PLXNA4: variants seen among roughly 807,000 people sequenced by gnomAD.
The protein encoded by PLXNA4 is plexin A4.
A neutral mutation model predicts 191.8 loss-of-function variants in PLXNA4; 44 were observed. That is an observed-to-expected ratio of 0.23 (90% CI 0.18 to 0.29). The LOEUF (loss-of-function observed/expected upper bound fraction) is 0.29, where lower values mean the gene tolerates loss of function less well. Ranked by LOEUF, PLXNA4 falls within the 10% of genes least tolerant of loss-of-function variation. PLXNA4 has a pLI of 1.00. For missense variants in PLXNA4, 1,800 were observed against 2,488.8 expected (o/e 0.72, Z 5.89); for synonymous variants, 1,082 against 1,009.5 (o/e 1.07, Z -1.36).
chr7:132,278,228 C>A (rs907899585), intron 4 of PLXNA4, among the ~76,000 whole-genome samples: 18 of 152,126 alleles, frequency 1.2e-4, no homozygotes, highest in Non-Finnish European at 4.4e-5. Context: ...CTCCAGTGTG[C>A]AAGATATGGC....
rs201729335 is a variant in PLXNA4 at position 132,198,529 on chromosome 7, G to A, written c.2694C>T (p.Gly898=). ...CATCCACTAAAGGGCTGCACTCCAC[G>A]CCAGCAACCTTGACATGGGAGGCGA... ...RDIASHVKVA[G]VECSPLVDGY... is the part of the protein sequence containing the mutation. Residue 898 remains glycine (G), a synonymous_variant, in exon 13 of 32, where the codon GGC becomes GGT. Transcript: ENST00000321063. The A allele has an allele frequency of 8.5e-5, 138 of 1,614,212 alleles. No homozygotes were observed. The highest frequency in any genetic ancestry group is 1.0e-4 in the Non-Finnish European group (121 of 1,180,036).
chr7:132,482,944 G>T (rs1280027103), intron 3 of PLXNA4, among the ~76,000 whole-genome samples: 1 of 152,064 alleles, frequency 6.6e-6, no homozygotes, highest in East Asian at 1.9e-4. Context: ...GTGTGCCTCA[G>T]CCTCCCAAAG....
At chr7:132,439,688 A>G (rs1276370006) in intron 3 of PLXNA4, among the ~76,000 whole-genome samples, 2 of 152,172 alleles carry the variant, frequency 1.3e-5, no homozygotes, top group Non-Finnish European at 2.9e-5. Flanking sequence ...GAACTCAAGG[A>G]GCAAGACCTG....
intron 1 of PLXNA4, among the ~76,000 whole-genome samples, chr7:132,562,834 C>T (rs1183454934): frequency 4.6e-5 from 5 of 108,918 alleles, no homozygotes; most frequent in Admixed American, 8.7e-5. Flanking sequence ...TCCTTCTCCT[C>T]CTCCTTCTCT....
chr7:132,454,021 C>G (rs1018975845), intron 3 of PLXNA4, among the ~76,000 whole-genome samples: 1 of 152,224 alleles, frequency 6.6e-6, no homozygotes, highest in African/African-American at 2.4e-5. Flanking sequence ...ACACCCTTGT[C>G]CCTGCTCTCT....
At chr7:132,566,307 C>A (rs562725248) in intron 1 of PLXNA4, among the ~76,000 whole-genome samples, 65 of 152,072 alleles carry the variant, frequency 4.3e-4, no homozygotes, top group African/African-American at 1.4e-3. Context: ...CTCTCTCTCA[C>A]ACACACACAC....
rs186378769 is a variant in PLXNA4, at chr7:132,223,628, C to A, written c.1996G>T (p.Val666Leu). Residue 666 changes from valine to leucine, a missense_variant, in exon 9 of 32, where the codon GTG (valine) becomes TTG (leucine). This residue lies in a region of PLXNA4 where 1,397 missense variants were observed against 1,880.4 expected (regional missense o/e 0.74). Coordinates refer to ENST00000321063, the MANE Select transcript of PLXNA4 (RefSeq NM_020911.2). ...CSVHNSCLSC[V>L]ESPYRCHWCK... ...CAGTGGCAGCGGTATGGACTCTCCA[C>A]GCAGGACAGGCACCTGGGCACAGGG... 6.2e-7 allele frequency: 1 copy of A among 1,613,118 alleles called. No individual in the cohort carries two copies. The highest frequency in any genetic ancestry group is 2.2e-5 in the East Asian group (1 of 44,856).
At chr7:132,564,358 T>TCTC (rs1305470605) in intron 1 of PLXNA4, among the ~76,000 whole-genome samples, 1 of 78,752 alleles carries the variant, frequency 1.3e-5, no homozygotes, top group African/African-American at 5.0e-5. Context: ...TTCTCCTCTT[T>TCTC]CTCCTCCTCC....
intron 26 of PLXNA4, 141 bp downstream of exon 26, chr7:132,148,402 C>A (rs1469374631): frequency 7.9e-7 from 1 of 1,259,306 alleles, no homozygotes; most frequent in Non-Finnish European, 1.1e-6. Flanking sequence ...GGCTGGGAGA[C>A]ACCAATTTCC....
At chr7:132,281,994 G>A (rs1800495574) in intron 4 of PLXNA4, among the ~76,000 whole-genome samples, 1 of 152,146 alleles carries the variant, frequency 6.6e-6, no homozygotes, top group African/African-American at 2.4e-5. Context: ...CTCAGCCAGT[G>A]AGGATGCCAG....
At chr7:132,329,300 G>A (rs1415734479) in intron 3 of PLXNA4, among the ~76,000 whole-genome samples, 3 of 152,126 alleles carry the variant, frequency 2.0e-5, no homozygotes, top group Non-Finnish European at 4.4e-5. Context: ...GCTGTTCTGG[G>A]GTCTCCCCAT....
intron 3 of PLXNA4, among the ~76,000 whole-genome samples, chr7:132,337,337 T>C (rs1003165938): frequency 4.6e-5 from 7 of 152,226 alleles, no homozygotes; most frequent in Non-Finnish European, 8.8e-5. Context: ...TGTCCACACA[T>C]GTCCCCTGGC....
At chr7:132,311,131 C>G (rs538892869) in intron 3 of PLXNA4, among the ~76,000 whole-genome samples, 2 of 150,204 alleles carry the variant, frequency 1.3e-5, no homozygotes, top group South Asian at 2.1e-4. Context: ...CAAAGTAGCC[C>G]CAGTTCCTGG....
intron 19 of PLXNA4, 85 bp from the exon 20 acceptor site, chr7:132,180,006 C>T (rs553275198): frequency 6.7e-7 from 1 of 1,488,172 alleles, no homozygotes; most frequent in Non-Finnish European, 9.0e-7. Flanking sequence ...GAACTAGTGA[C>T]CAGGGCAGGA....
intron 4 of PLXNA4, among the ~76,000 whole-genome samples, chr7:132,256,323 C>A (rs11972157): frequency 0.012 from 1,848 of 152,308 alleles, 37 homozygotes; most frequent in African/African-American, 0.042. Context: ...GCATGCCATA[C>A]GTGGAATTCA....
chr7:132,392,273 T>G (rs1288233951), intron 3 of PLXNA4, among the ~76,000 whole-genome samples: 1 of 152,196 alleles, frequency 6.6e-6, no homozygotes, highest in African/African-American at 2.4e-5. Context: ...CGATAAATAT[T>G]TATTACATTA....
intron 4 of PLXNA4, among the ~76,000 whole-genome samples, chr7:132,277,221 G>A (rs1800314667): frequency 1.3e-5 from 2 of 152,128 alleles, no homozygotes; most frequent in Admixed American, 6.5e-5. Context: ...GCTTAAGTGG[G>A]GGAAGCTGGA....
In PLXNA4 at chr7:132,126,597, G is replaced by C. The variant is rs1212891706; in HGVS notation, c.*3882C>G. ...CTGGTGGGCGCAGGTAGCTGGGCCT[G>C]AGGGGACCAGGTCAGAGACTTTTCC... is the stretch of plus-strand genomic sequence containing the variant. On this transcript the variant is annotated 3_prime_UTR_variant, in exon 32 of 32. Coordinates refer to ENST00000321063, the MANE Select transcript of PLXNA4 (RefSeq NM_020911.2). 1 of 152,392 alleles carries C rather than the reference G, an allele frequency of 6.6e-6. No individual in the cohort carries two copies. Among genetic ancestry groups the C allele is most frequent in the African/African-American group, 2.4e-5 (1 of 41,444 alleles). The allele number at this position is 152,392 out of a possible 1,614,324, so 9.4% of individuals were successfully genotyped here. A position where few individuals can be genotyped will look rare whatever the true frequency, so the allele number is the denominator to read the frequency against.
intron 22 of PLXNA4, among the ~76,000 whole-genome samples, chr7:132,166,785 G>A (rs955617711): frequency 1.3e-5 from 2 of 151,886 alleles, no homozygotes; most frequent in Admixed American, 6.6e-5. Context: ...GGCAGGCAGT[G>A]GCAACCCTAG....
Sources: gnomAD v4.1 joint callset for allele counts (sites outside exome capture counted in the v4.1 genomes callset) on GRCh38, gnomAD v4.1.1 for gene constraint, gnomAD v4.1.1 regional missense constraint, MANE v1.5 for transcripts, NCBI Gene and HGNC (gene_info 2026-07-23, HGNC 2026-07-21) for gene names.